The following PHF14 variants were observed in gnomAD, a reference collection of about 807,000 sequenced individuals.
PHF14 encodes the protein PHD finger protein 14.
A neutral mutation model predicts 117.9 loss-of-function variants in PHF14; 55 were observed. The ratio of observed to expected loss-of-function variants is 0.47; its 90% confidence interval spans 0.38 to 0.58. The LOEUF (loss-of-function observed/expected upper bound fraction) is 0.58. Among genes scored for constraint, PHF14 ranks in the 20% least tolerant of loss-of-function variants. PHF14 has a pLI of 0.00. For missense variants in PHF14, 978 were observed against 1,122.2 expected, an observed-to-expected ratio of 0.87 and a Z score of 1.84; for synonymous variants, 409 against 368.6, an observed-to-expected ratio of 1.11 and a Z score of -1.26.
Position 11,055,295 on chromosome 7 carries a change from T to C in PHF14, c.2481+3515T>C, listed in dbSNP as rs574070940. 2.7e-3 allele frequency among the ~76,000 whole-genome samples: 411 copies of C among 152,348 alleles called. 2 individuals are homozygous for C. The highest frequency in any genetic ancestry group is 9.4e-3 in the African/African-American group (391 of 41,578). ...GTGGACATATTTTCTAATACTCTAA[T>C]GTAACTTGAAAGCTTTCAGATTTTC... is the stretch of plus-strand genomic sequence containing the variant. On this transcript the variant is annotated intron_variant, in intron 14 of 17. Coordinates refer to ENST00000634607, the MANE Select transcript of PHF14 (RefSeq NM_001007157.2).
At chr7:11,025,513 G>T (rs1388031558) in intron 6 of PHF14, among the ~76,000 whole-genome samples, 1 of 152,204 alleles carries the variant, frequency 6.6e-6, no homozygotes. Flanking sequence ...GAACTTGCCA[G>T]CCGGGCACGG....
At chr7:11,118,863 A>G (rs1293574364) in intron 17 of PHF14, among the ~76,000 whole-genome samples, 1 of 151,878 alleles carries the variant, frequency 6.6e-6, no homozygotes, top group Non-Finnish European at 1.5e-5. Context: ...TTTTGAAAAT[A>G]TGATTTATTA....
intron 3 of PHF14, among the ~76,000 whole-genome samples, chr7:10,988,789 C>G (rs1042427212): frequency 6.6e-6 from 1 of 152,080 alleles, no homozygotes; most frequent in African/African-American, 2.4e-5. Context: ...CAGGAACATT[C>G]TTGCCATATA....
chr7:11,068,275 C>T lies in PHF14; in HGVS notation c.2654+6190C>T, dbSNP rs563443686. ...CTGAGGCAGGAGAATGGCATGAACC[C>T]GGAGGCAGGGCTTGCAGTGAGCCAA... On this transcript the variant is annotated intron_variant, in intron 16 of 17. Coordinates refer to ENST00000634607, the MANE Select transcript of PHF14 (RefSeq NM_001007157.2). Among the ~76,000 whole-genome samples, 294 of 141,138 alleles carry T rather than the reference C, an allele frequency of 2.1e-3. 1 individual carries two copies. Among genetic ancestry groups the T allele is most frequent in the African/African-American group, 7.2e-3 (275 of 38,094 alleles). 92.6% of individuals were successfully genotyped at this position (141,138 alleles called of 152,430 possible).
At chr7:11,140,318 A>G (rs1297526761) in intron 17 of PHF14, among the ~76,000 whole-genome samples, 1 of 152,062 alleles carries the variant, frequency 6.6e-6, no homozygotes, top group Admixed American at 6.6e-5. Context: ...TATTCTACCT[A>G]TTCAATTTCA....
intron 17 of PHF14, among the ~76,000 whole-genome samples, chr7:11,139,273 T>C (rs1714438983): frequency 6.6e-6 from 1 of 152,200 alleles, no homozygotes; most frequent in Non-Finnish European, 1.5e-5. Flanking sequence ...TTGTTGTTTC[T>C]AAAAATTAGG....
intron 16 of PHF14, chr7:11,062,331 CAA>C (rs1229391646): frequency 7.3e-6 from 2 of 272,896 alleles, no homozygotes; most frequent in Non-Finnish European, 1.4e-5. Context: ...TTTCTCTTGA[CAA>C]GAGAAATTGA....
intron 2 of PHF14, among the ~76,000 whole-genome samples, chr7:10,975,762 T>C (rs1433949419): frequency 6.6e-6 from 1 of 152,146 alleles, no homozygotes; most frequent in African/African-American, 2.4e-5. Flanking sequence ...AAAATTTAAA[T>C]AAAATGAGAA....
intron 17 of PHF14, among the ~76,000 whole-genome samples, chr7:11,114,717 A>G (rs1051078094): frequency 1.3e-5 from 2 of 152,122 alleles, no homozygotes; most frequent in East Asian, 3.8e-4. Context: ...ACACAAACAT[A>G]TCCACACGTA....
intron 16 of PHF14, chr7:11,103,490 A>G: frequency 1.0e-6 from 1 of 984,712 alleles, no homozygotes. Context: ...TCAAGCTTTA[A>G]TGATCCAGTT....
At chr7:11,065,202 T>C in intron 16 of PHF14, among the ~76,000 whole-genome samples, 1 of 152,086 alleles carries the variant, frequency 6.6e-6, no homozygotes, top group Non-Finnish European at 1.5e-5. Flanking sequence ...AAAATTTAAT[T>C]AGAAATTATC....
intron 16 of PHF14, chr7:11,108,758 T>G (rs928440948): frequency 2.5e-4 from 38 of 151,806 alleles, no homozygotes; most frequent in African/African-American, 9.2e-4. Flanking sequence ...GTAGCAAACT[T>G]GTTCTTGGTT....
At chr7:11,077,167 TC>T (rs1785891490) in intron 16 of PHF14, among the ~76,000 whole-genome samples, 1 of 152,014 alleles carries the variant, frequency 6.6e-6, no homozygotes, top group African/African-American at 2.4e-5. Flanking sequence ...GCTTTTGTAG[TC>T]CCTTTGTCTT....
At chr7:10,985,727 A>G (rs1305273263) in intron 3 of PHF14, among the ~76,000 whole-genome samples, 2 of 125,978 alleles carry the variant, frequency 1.6e-5, no homozygotes, top group Non-Finnish European at 3.1e-5. Flanking sequence ...ATCTCGGCTC[A>G]CTGCAACCTC....
rs568026665 is a variant in PHF14, at chr7:11,021,416, A to G, written c.1206-1452A>G. Among the ~76,000 whole-genome samples, 9 of 152,294 alleles carry G rather than the reference A, an allele frequency of 5.9e-5. No homozygotes were observed. The East Asian group carries it at 1.7e-3, about 29-fold the overall frequency. On this transcript the variant is annotated intron_variant, in intron 5 of 17. Transcript: ENST00000634607. ...AGGGACCATAGTTGTCTCGGCCATG[A>G]TTTTCATTGACTTTGATAGGTATTT...
intron 4 of PHF14, among the ~76,000 whole-genome samples, chr7:11,008,190 C>A (rs149031364): frequency 6.6e-6 from 1 of 152,202 alleles, no homozygotes; most frequent in Non-Finnish European, 1.5e-5. Flanking sequence ...GAGATGTTTC[C>A]CCCTATTTAT....
At chr7:11,027,914 TCTTAA>T (rs994931797) in intron 6 of PHF14, among the ~76,000 whole-genome samples, 30 of 152,264 alleles carry the variant, frequency 2.0e-4, no homozygotes, top group Admixed American at 1.4e-3. Context: ...CAAGCAGATT[TCTTAA>T]CTTGTCTTTA....
chr7:11,036,462 A>G lies in PHF14; in HGVS notation c.1647A>G (p.Glu549=), dbSNP rs375173354. Reference sequence around the variant, plus strand: ...TTCAGCAGTATCGTGCCAAAGCAGAACTAGCTCGATCTACCAGACCCCAGG... The same window carrying G: ...TTCAGCAGTATCGTGCCAAAGCAGAGCTAGCTCGATCTACCAGACCCCAGG... ...ARLQQYRAKA[E]LARSTRPQAW... Residue 549 remains glutamate, a synonymous_variant, in exon 9 of 18, where the codon GAA becomes GAG. Transcript: ENST00000634607. 13 of 1,613,678 alleles carry G rather than the reference A, an allele frequency of 8.1e-6. No homozygotes were observed. The African/African-American group carries it at 1.6e-4, about 20-fold the overall frequency.
intron 17 of PHF14, among the ~76,000 whole-genome samples, chr7:11,118,339 T>C (rs1787656811): frequency 6.6e-6 from 1 of 151,870 alleles, no homozygotes; most frequent in African/African-American, 2.4e-5. Context: ...GATCCTCTAC[T>C]GTAGAACAAG....
Sources: gnomAD v4.1 joint callset for allele counts (sites outside exome capture counted in the v4.1 genomes callset) on GRCh38, gnomAD v4.1.1 for gene constraint, MANE v1.5 for transcripts, NCBI Gene and HGNC (gene_info 2026-07-23, HGNC 2026-07-21) for gene names.